Variants in XPO7 observed in about 807,000 individuals in gnomAD.
XPO7 encodes the protein exportin-7.
XPO7 carries 21 observed loss-of-function variants against 144.3 expected under a neutral mutation model. The observed-to-expected ratio is 0.15, with a 90% CI of 0.10 to 0.21. XPO7 has a LOEUF of 0.21. XPO7 is among the 10% of genes least tolerant of loss of function. The probability of loss-of-function intolerance (pLI) is 1.00; values close to 1 mark genes in which losing one functional copy is unlikely to be tolerated. For synonymous variants in XPO7, 580 were observed against 499.6 expected, an observed-to-expected ratio of 1.16 and a Z score of -2.15; for missense variants, 808 against 1,325.8, an observed-to-expected ratio of 0.61 and a Z score of 6.06.
At chr8:21,975,830 A>G (rs1461267960) in intron 6 of XPO7, among the ~76,000 whole-genome samples, 1 of 152,186 alleles carries the variant, frequency 6.6e-6, no homozygotes, top group Non-Finnish European at 1.5e-5. Context: ...TATGGCCAGT[A>G]CTCACCTGTA....
At chr8:21,987,035 G>C (rs778746762) in intron 13 of XPO7, 106 bp from the exon 14 acceptor site, 19 of 1,500,364 alleles carry the variant, frequency 1.3e-5, no homozygotes, top group Non-Finnish European at 1.6e-5. Flanking sequence ...GCAGGAGGTT[G>C]CTGTACCCAA....
At chr8:21,991,043 G>A in intron 18 of XPO7, 124 bp downstream of exon 18, 1 of 825,634 alleles carries the variant, frequency 1.2e-6, no homozygotes, top group Non-Finnish European at 2.0e-6. Context: ...AAAACTATCT[G>A]AAATAACAGC....
chr8:21,921,193 A>G (rs1217754203), intron 1 of XPO7, among the ~76,000 whole-genome samples: 4 of 152,230 alleles, frequency 2.6e-5, no homozygotes, highest in Non-Finnish European at 4.4e-5. Flanking sequence ...TATAGCAGTC[A>G]TTTCTAAGAA....
intron 1 of XPO7, among the ~76,000 whole-genome samples, chr8:21,932,950 G>C (rs1810701288): frequency 6.6e-6 from 1 of 152,064 alleles, no homozygotes; most frequent in South Asian, 2.1e-4. Flanking sequence ...ATTGACCTTT[G>C]TTAGAGAATC....
chr8:21,955,840 T>C (rs1359796751), intron 1 of XPO7, among the ~76,000 whole-genome samples: 3 of 150,780 alleles, frequency 2.0e-5, no homozygotes, highest in African/African-American at 7.3e-5. Context: ...GTGATTCTCC[T>C]GCCTCGGCCT....
intron 24 of XPO7, among the ~76,000 whole-genome samples, chr8:22,001,184 T>C (rs1180395777): frequency 6.6e-6 from 1 of 151,922 alleles, no homozygotes; most frequent in Non-Finnish European, 1.5e-5. Flanking sequence ...TGTGTGCCTG[T>C]AGTCCCAGCT....
chr8:21,927,002 A>G (rs1297219503), intron 1 of XPO7, among the ~76,000 whole-genome samples: 2 of 152,194 alleles, frequency 1.3e-5, no homozygotes, highest in African/African-American at 4.8e-5. Context: ...TTGAACTGAT[A>G]ATGTTCCAGA....
chr8:21,985,077 A>G (rs1812536575), intron 12 of XPO7, among the ~76,000 whole-genome samples: 1 of 145,816 alleles, frequency 6.9e-6, no homozygotes, highest in Non-Finnish European at 1.5e-5. Context: ...CTATGTTGCC[A>G]CGTGGGCCTT....
intron 27 of XPO7, 92 bp downstream of exon 27, chr8:22,004,122 G>C: frequency 6.5e-7 from 1 of 1,532,948 alleles, no homozygotes; most frequent in Non-Finnish European, 8.9e-7. Flanking sequence ...TTTGACATCT[G>C]TGTTTGGAGG....
At chr8:21,955,315 A>G (rs754461658) in intron 1 of XPO7, among the ~76,000 whole-genome samples, 8 of 152,216 alleles carry the variant, frequency 5.3e-5, no homozygotes, top group Non-Finnish European at 7.3e-5. Context: ...CCTTATCAGA[A>G]CTCAAACTGT....
rs544489400 is a variant in XPO7, at chr8:21,938,585, T to C, written c.18+18797T>C. Among the ~76,000 whole-genome samples the C allele has an allele frequency of 3.9e-5, 6 of 152,308 alleles. No individual in the cohort carries two copies. The South Asian group carries it at 6.2e-4, about 16-fold the overall frequency. On this transcript the variant is annotated intron_variant, in intron 1 of 27. Coordinates refer to ENST00000252512, the MANE Select transcript of XPO7 (RefSeq NM_015024.5). ...CACTTGGTAGGATGCGTCATTTACA[T>C]ATTAGGTTCACCTCTGCTCCTTTTT... is the stretch of plus-strand genomic sequence containing the variant.
chr8:21,932,842 A>G (rs1301882535), intron 1 of XPO7, among the ~76,000 whole-genome samples: 1 of 152,224 alleles, frequency 6.6e-6, no homozygotes. Flanking sequence ...AGGTGTATAC[A>G]TGAGTAAATA....
At chr8:21,948,971 C>A (rs1160575370) in intron 1 of XPO7, among the ~76,000 whole-genome samples, 3 of 152,130 alleles carry the variant, frequency 2.0e-5, no homozygotes, top group Admixed American at 6.5e-5. Flanking sequence ...GAGTCATTAC[C>A]AGGAAATATG....
chr8:21,987,141 G>A lies in XPO7; in HGVS notation c.1578G>A (p.Arg526=). The A allele has an allele frequency of 6.2e-7, 1 of 1,613,806 alleles. No homozygotes were observed. The highest frequency in any genetic ancestry group is 8.5e-7 in the Non-Finnish European group (1 of 1,179,882). The part of the protein sequence containing the change: ...QDAMDGELVC[R]VLQLMNLTDS... ...AGAATCATTGCTCCTCTTCCTCCAG[G>A]GTGCTCCAGCTGATGAACCTAACAG... is the stretch of plus-strand genomic sequence containing the variant. The change falls in exon 14 of 28, where the codon CGG becomes CGA. Residue 526 remains arginine (R), a splice_region_variant and synonymous_variant. Coordinates refer to ENST00000252512, the MANE Select transcript of XPO7 (RefSeq NM_015024.5).
rs1275939533 is a variant in XPO7 at position 21,919,961 on chromosome 8, C to T, written c.18+173C>T. ...GGAGCCCCGGGGCCTTTCCCGCCTC[C>T]CGGGCCGGGGGCCTTCTCCGTCCCC... On this transcript the variant is annotated intron_variant, in intron 1 of 27. Transcript: ENST00000252512. Among the ~76,000 whole-genome samples the T allele has an allele frequency of 2.6e-5, 4 of 151,694 alleles. No individual in the cohort carries two copies. The East Asian group carries it at 7.8e-4, about 30-fold the overall frequency.
intron 11 of XPO7, among the ~76,000 whole-genome samples, chr8:21,984,005 T>C (rs1812489475): frequency 6.6e-6 from 1 of 152,202 alleles, no homozygotes. Flanking sequence ...AAGTCAAAGA[T>C]GTGACAAAAG....
intron 21 of XPO7, among the ~76,000 whole-genome samples, chr8:21,998,164 G>A (rs373471138): frequency 1.1e-3 from 163 of 152,288 alleles, no homozygotes; most frequent in African/African-American, 3.7e-3. Flanking sequence ...AATCAAGGCC[G>A]GGCACGGTGG....
intron 1 of XPO7, among the ~76,000 whole-genome samples, chr8:21,940,300 A>T (rs2117266183): frequency 6.6e-6 from 1 of 152,364 alleles, no homozygotes; most frequent in East Asian, 1.9e-4. Flanking sequence ...ACCAATAGAT[A>T]ACTAAATAGT....
At chr8:21,980,597 C>G (rs1177499452) in intron 9 of XPO7, among the ~76,000 whole-genome samples, 1 of 152,036 alleles carries the variant, frequency 6.6e-6, no homozygotes, top group African/African-American at 2.4e-5. Context: ...CATAGTGAAA[C>G]CCTGTCTCTA....
Sources: gnomAD v4.1 joint callset for allele counts (sites outside exome capture counted in the v4.1 genomes callset) on GRCh38, gnomAD v4.1.1 for gene constraint, MANE v1.5 for transcripts, NCBI Gene and HGNC (gene_info 2026-07-23, HGNC 2026-07-21) for gene names.